Variants in FFAR4 observed in about 807,000 individuals in gnomAD.
FFAR4 encodes the protein G-protein coupled receptor 120.
FFAR4 carries 19 observed loss-of-function variants against 27.0 expected under a neutral mutation model. That is an observed-to-expected ratio of 0.70 (90% CI 0.49 to 1.03). FFAR4 has a LOEUF of 1.03. Ranked by LOEUF, FFAR4 falls within the 50% of genes least tolerant of loss-of-function variation. FFAR4 has a pLI of 0.00. For missense variants in FFAR4, 476 were observed against 479.0 expected (o/e 0.99, Z 0.06); for synonymous variants, 254 against 215.6 (o/e 1.18, Z -1.56).
rs1340502375 is a variant in FFAR4 at position 93,589,545 on chromosome 10, C to T, written c.*1936C>T. 6.9e-6 allele frequency: 1 copy of T among 143,886 alleles called. No homozygotes were observed. Among genetic ancestry groups the T allele is most frequent in the Non-Finnish European group, 1.5e-5 (1 of 67,100 alleles). 8.9% of individuals were successfully genotyped at this position (143,886 alleles called of 1,614,324 possible). A position where few individuals can be genotyped will look rare whatever the true frequency, so the allele number is the denominator to read the frequency against. On this transcript the variant is annotated 3_prime_UTR_variant, in exon 3 of 3. Transcript: ENST00000371481. ...AAGGGGAATACTCTGATTTTTTAGC[C>T]TGTCATTGGTTGGATGGTGAAGCAG...
rs1332133173 is a variant in FFAR4, at chr10:93,588,556, C to T, written c.*947C>T. The stretch of plus-strand genomic sequence containing the variant: ...GCAGAGATGCCTCTTAAGCACCAGC[C>T]ATGGCAGACAGTGTCCTTTGTGCTA... On this transcript the variant is annotated 3_prime_UTR_variant, in exon 3 of 3. Transcript: ENST00000371481. 6.6e-6 allele frequency: 1 copy of T among 152,172 alleles called. No individual in the cohort carries two copies. Among genetic ancestry groups the T allele is most frequent in the African/African-American group, 2.4e-5 (1 of 41,432 alleles). 9.4% of individuals were successfully genotyped at this position (152,172 alleles called of 1,614,324 possible). A position where few individuals can be genotyped will look rare whatever the true frequency, so the allele number is the denominator to read the frequency against.
At chr10:93,575,975 A>T in intron 1 of FFAR4, 116 bp from the exon 2 acceptor site, 2 of 955,400 alleles carry the variant, frequency 2.1e-6, no homozygotes, top group Non-Finnish European at 3.3e-6. Flanking sequence ...CTGTCATGCT[A>T]GTTGTGTAAC....
Position 93,566,940 on chromosome 10 carries a change from A to ACTGC in FFAR4, c.228_231dup (p.Val78ProfsTer26). On this transcript the variant is annotated frameshift_variant, in exon 1 of 3. Transcript: ENST00000371481. LOFTEE classifies it high-confidence loss of function. ...GGCGCGCCGACGACGCCGCGGCGCG[A>ACTGC]CTGCCTGCCTGGTACTCAACCTCTT... is the stretch of plus-strand genomic sequence containing the variant. 6.2e-7 allele frequency: 1 copy of ACTGC among 1,610,316 alleles called. No homozygotes were observed. Among genetic ancestry groups the ACTGC allele is most frequent in the Non-Finnish European group, 8.5e-7 (1 of 1,179,346 alleles).
chr10:93,574,323 TC>T (rs1281447720), intron 1 of FFAR4, among the ~76,000 whole-genome samples: 2 of 152,018 alleles, frequency 1.3e-5, no homozygotes, highest in African/African-American at 4.8e-5. Flanking sequence ...GAGTTGGGGG[TC>T]TTAAGAAAAG....
chr10:93,585,784 C>T (rs965178913), intron 2 of FFAR4, among the ~76,000 whole-genome samples: 1 of 152,230 alleles, frequency 6.6e-6, no homozygotes, highest in Admixed American at 6.5e-5. Context: ...CCCACTCCAA[C>T]CCATGGGCAG....
intron 1 of FFAR4, 98 bp from the exon 2 acceptor site, chr10:93,575,993 T>G (rs2058161327): frequency 8.2e-7 from 1 of 1,226,078 alleles, no homozygotes; most frequent in African/African-American, 1.5e-5. Context: ...AACTGGGCAA[T>G]GCAACCGTGT....
At chr10:93,570,169 C>T (rs1020811126) in intron 1 of FFAR4, among the ~76,000 whole-genome samples, 3 of 149,080 alleles carry the variant, frequency 2.0e-5, no homozygotes, top group Non-Finnish European at 3.0e-5. Context: ...ATCTCTCTCT[C>T]TCTCTGTCTC....
chr10:93,583,985 C>T (rs11187528), intron 2 of FFAR4, among the ~76,000 whole-genome samples: 15,749 of 152,224 alleles, frequency 0.1, 960 homozygotes, highest in African/African-American at 0.16. Flanking sequence ...TCAGAATCAG[C>T]CCTTGTGGGT....
In FFAR4 at chr10:93,566,751, G is replaced by T; in HGVS notation, c.31G>T (p.Asp11Tyr). 6.2e-7 allele frequency: 1 copy of T among 1,603,174 alleles called. No homozygotes were observed. Reference protein sequence around the residue: MSPECARAAGDAPLRSLEQAN... With the variant: MSPECARAAGYAPLRSLEQAN... Reference sequence around the variant, plus strand: ...CCCTGAATGCGCGCGGGCAGCGGGCGACGCGCCCTTGCGCAGCCTGGAGCA... The same window carrying T: ...CCCTGAATGCGCGCGGGCAGCGGGCTACGCGCCCTTGCGCAGCCTGGAGCA... The change falls in exon 1 of 3, where the codon GAC becomes TAC. Residue 11 changes from aspartate (D) to tyrosine (Y), a missense_variant. By Grantham distance (160) the Asp-to-Tyr change is radical (BLOSUM62 -3). Transcript: ENST00000371481.
At chr10:93,574,456 C>T (rs895735769) in intron 1 of FFAR4, among the ~76,000 whole-genome samples, 4 of 152,164 alleles carry the variant, frequency 2.6e-5, no homozygotes, top group African/African-American at 4.8e-5. Flanking sequence ...CTTCAGCATA[C>T]CTGCTCATAT....
intron 2 of FFAR4, among the ~76,000 whole-genome samples, chr10:93,584,002 G>A (rs2058213681): frequency 6.6e-6 from 1 of 152,212 alleles, no homozygotes; most frequent in Non-Finnish European, 1.5e-5. Context: ...GGGTCCCCCA[G>A]CCTGTGCTTA....
rs565205498 is a variant in FFAR4 at position 93,566,738 on chromosome 10, G to T, written c.18G>T (p.Ala6=). The change falls in exon 1 of 3, where the codon GCG becomes GCT. Residue 6 remains alanine (A), a synonymous_variant. Coordinates refer to ENST00000371481, the MANE Select transcript of FFAR4 (RefSeq NM_001195755.2). MSPEC[A]RAAGDAPLRS... ...CGCCGGGAATGTCCCCTGAATGCGC[G>T]CGGGCAGCGGGCGACGCGCCCTTGC... 1.3e-6 allele frequency: 2 copies of T among 1,597,948 alleles called. No individual in the cohort carries two copies. The highest frequency in any genetic ancestry group is 1.7e-6 in the Non-Finnish European group (2 of 1,175,598).
intron 2 of FFAR4, among the ~76,000 whole-genome samples, chr10:93,581,506 A>G (rs1438992570): frequency 6.6e-6 from 1 of 152,116 alleles, no homozygotes; most frequent in Non-Finnish European, 1.5e-5. Flanking sequence ...CCATCCCCAC[A>G]TGTTGGCAGC....
Position 93,567,155 on chromosome 10 carries a change from C to A in FFAR4, c.435C>A (p.Arg145=), listed in dbSNP as rs377545935. The change falls in exon 1 of 3, where the codon CGC becomes CGA. Residue 145 remains arginine, a synonymous_variant. Transcript: ENST00000371481. The stretch of plus-strand genomic sequence containing the variant: ...TGGTGTGCATCGTGCACCTGCAGCG[C>A]GGCGTGCGGGGTCCTGGGCGGCGGG... ...ERMVCIVHLQ[R]GVRGPGRRAR... 6 of 1,605,076 alleles carry A rather than the reference C, an allele frequency of 3.7e-6. No individual in the cohort carries two copies. In the Admixed American group the frequency reaches 1.0e-4, roughly 27 times the overall value.
At position 93,566,669 on chromosome 10, in the gene FFAR4, G is replaced by T; in HGVS notation, c.-52G>T. On this transcript the variant is annotated 5_prime_UTR_variant, in exon 1 of 3. Coordinates refer to ENST00000371481, the MANE Select transcript of FFAR4 (RefSeq NM_001195755.2). Reference sequence around the variant, plus strand: ...TCTTTCCCCGCCTTGGCACTCAGTCGCCTCCCAGATGAGCACTCTCTCAGA... The same window carrying T: ...TCTTTCCCCGCCTTGGCACTCAGTCTCCTCCCAGATGAGCACTCTCTCAGA... 2 of 1,072,656 alleles carry T rather than the reference G, an allele frequency of 1.9e-6. No homozygotes were observed. Among genetic ancestry groups the T allele is most frequent in the South Asian group, 1.6e-5 (1 of 62,398 alleles). 66.4% of individuals were successfully genotyped at this position (1,072,656 alleles called of 1,614,324 possible).
At chr10:93,581,059 C>A (rs2058194664) in intron 2 of FFAR4, among the ~76,000 whole-genome samples, 1 of 152,224 alleles carries the variant, frequency 6.6e-6, no homozygotes, top group Non-Finnish European at 1.5e-5. Flanking sequence ...ATTGATCCCC[C>A]TCTCATTGCC....
intron 1 of FFAR4, among the ~76,000 whole-genome samples, chr10:93,575,183 T>G (rs1564782944): frequency 6.6e-6 from 1 of 152,214 alleles, no homozygotes; most frequent in African/African-American, 2.4e-5. Context: ...AAAAATAATC[T>G]ATTCTATATG....
intron 2 of FFAR4, among the ~76,000 whole-genome samples, chr10:93,581,972 CG>C (rs1468241519): frequency 4.6e-5 from 7 of 152,112 alleles, no homozygotes; most frequent in Non-Finnish European, 1.0e-4. Context: ...TCCAAAACTG[CG>C]GCAACCACAG....
At chr10:93,576,010 C>A in intron 1 of FFAR4, 81 bp from the exon 2 acceptor site, 1 of 1,434,786 alleles carries the variant, frequency 7.0e-7, no homozygotes, top group Non-Finnish European at 9.7e-7. Context: ...GTGTAAGTGT[C>A]AGGAAACCCT....
Sources: allele counts gnomAD v4.1 joint callset (sites outside exome capture counted in the v4.1 genomes callset), GRCh38; gene constraint gnomAD v4.1.1; transcripts MANE v1.5; gene names NCBI Gene and HGNC (gene_info 2026-07-23, HGNC 2026-07-21).